Variants in UBP1 observed in about 807,000 individuals in gnomAD.
The protein encoded by UBP1 is upstream-binding protein 1.
Under a neutral mutation model 76.1 loss-of-function variants are expected in UBP1, and 22 were observed. That is an observed-to-expected ratio of 0.29 (90% CI 0.21 to 0.41). The LOEUF is 0.41. Among genes scored for constraint, UBP1 ranks in the 10% least tolerant of loss-of-function variants. The pLI, the probability that UBP1 is intolerant of heterozygous loss-of-function variation, is 1.00. For synonymous variants in UBP1, 224 were observed against 237.1 expected, an observed-to-expected ratio of 0.94 and a Z score of 0.51; for missense variants, 436 against 668.1, an observed-to-expected ratio of 0.65 and a Z score of 3.83.
At position 33,392,434 on chromosome 3, in the gene UBP1, T is replaced by G. The variant is rs2043805357; in HGVS notation, c.1585+129A>C. 31 of 775,248 alleles carry G rather than the reference T, an allele frequency of 4.0e-5. No individual in the cohort carries two copies. The Middle Eastern group carries it at 9.5e-4, about 24-fold the overall frequency. The allele number at this position is 775,248 out of a possible 1,614,324, so 48.0% of individuals were successfully genotyped here. A position where few individuals can be genotyped will look rare whatever the true frequency, so the allele number is the denominator to read the frequency against. ...GTTACAACCACTAGAAATATTCTCA[T>G]TTATCAAACTTTCTTCTTAAAATGA... On this transcript the variant is annotated intron_variant, in intron 15 of 15. Transcript: ENST00000283629.
intron 9 of UBP1, 49 bp downstream of exon 9, chr3:33,402,752 C>T (rs2044276675): frequency 2.3e-6 from 3 of 1,325,986 alleles, no homozygotes; most frequent in Non-Finnish European, 3.0e-6. Flanking sequence ...GAAATGAAGG[C>T]ACATGAGCAT....
In UBP1 at chr3:33,411,762, G is replaced by A. The variant is rs2044589176; in HGVS notation, c.449-75C>T. The stretch of plus-strand genomic sequence containing the variant: ...AAAAACTTACAACTTACTATATTAT[G>A]TTCTAATGAAATAACTGTAACTGCT... On this transcript the variant is annotated intron_variant, in intron 4 of 15. Transcript: ENST00000283629. 3 of 1,184,612 alleles carry A rather than the reference G, an allele frequency of 2.5e-6. No homozygotes were observed. The Admixed American group carries it at 5.4e-5, about 21-fold the overall frequency. 73.4% of individuals were successfully genotyped at this position (1,184,612 alleles called of 1,614,324 possible). A position where few individuals can be genotyped will look rare whatever the true frequency, so the allele number is the denominator to read the frequency against.
At chr3:33,400,341 A>C in intron 10 of UBP1, 59 bp from the exon 11 acceptor site, 1 of 1,374,854 alleles carries the variant, frequency 7.3e-7, no homozygotes, top group Non-Finnish European at 9.9e-7. Context: ...GAACATTTAA[A>C]CAAAACACAG....
chr3:33,401,304 A>C (rs1265023113), intron 9 of UBP1, among the ~76,000 whole-genome samples: 1 of 152,248 alleles, frequency 6.6e-6, no homozygotes, highest in Non-Finnish European at 1.5e-5. Context: ...ATCTTCAGGG[A>C]TGCCAAGGAA....
At chr3:33,419,656 G>T (rs1487648459) in intron 2 of UBP1, among the ~76,000 whole-genome samples, 3 of 147,662 alleles carry the variant, frequency 2.0e-5, no homozygotes, top group Non-Finnish European at 3.0e-5. Context: ...CAGAAGAAAA[G>T]AAAAGACTCT....
chr3:33,390,435 A>T (rs982820615), intron 15 of UBP1, 67 bp from the exon 16 acceptor site: 3 of 1,557,480 alleles, frequency 1.9e-6, no homozygotes, highest in Non-Finnish European at 1.8e-6. Flanking sequence ...TAAATGGAAA[A>T]CTCCCTGCCA....
Position 33,400,207 on chromosome 3 carries a change from G to C in UBP1, c.1162C>G (p.Leu388Val). The C allele has an allele frequency of 6.3e-7, 1 of 1,598,848 alleles. No individual in the cohort carries two copies. The highest frequency in any genetic ancestry group is 8.5e-7 in the Non-Finnish European group (1 of 1,175,132). Residue 388 changes from leucine (L) to valine (V), a missense_variant, in exon 11 of 16, where the codon CTG (leucine) becomes GTG (valine). This residue lies in a region of UBP1 where 210 missense variants were observed against 272.8 expected (regional missense o/e 0.77). Transcript: ENST00000283629. ...CACATACCTGAAAAATTAGAGAACAGTCTTGTGTAGGAAGAGAATCTGTTT... is the reference window on the plus strand; with the variant it reads ...CACATACCTGAAAAATTAGAGAACACTCTTGTGTAGGAAGAGAATCTGTTT... The part of the protein sequence containing the change: ...LKNRFSSYTR[L>V]FSNFSGADLL...
At chr3:33,424,792 T>C (rs2044983924) in intron 2 of UBP1, among the ~76,000 whole-genome samples, 1 of 152,300 alleles carries the variant, frequency 6.6e-6, no homozygotes, top group Non-Finnish European at 1.5e-5. Context: ...ACGCCTGTAA[T>C]CCCAGCACTT....
At chr3:33,421,202 C>T (rs1257649288) in intron 2 of UBP1, among the ~76,000 whole-genome samples, 1 of 151,800 alleles carries the variant, frequency 6.6e-6, no homozygotes, top group South Asian at 2.1e-4. Flanking sequence ...CATTTTGGGA[C>T]TACAGTTTTT....
intron 2 of UBP1, 135 bp downstream of exon 2, chr3:33,425,455 T>G: frequency 1.0e-6 from 1 of 995,008 alleles, no homozygotes; most frequent in Non-Finnish European, 1.4e-6. Flanking sequence ...ATTCCTACAA[T>G]TTTCATTAAG....
chr3:33,428,992 A>G (rs529175409), intron 1 of UBP1, among the ~76,000 whole-genome samples: 6 of 151,424 alleles, frequency 4.0e-5, no homozygotes, highest in Admixed American at 2.6e-4. Context: ...TCCCACCCAC[A>G]CTCCCAATTT....
intron 1 of UBP1, among the ~76,000 whole-genome samples, chr3:33,427,149 G>C (rs1466344906): frequency 2.0e-5 from 3 of 152,160 alleles, no homozygotes; most frequent in African/African-American, 7.2e-5. Flanking sequence ...ATTTTTAGTA[G>C]AGACAGGGTT....
At chr3:33,403,984 G>GC (rs1158525067) in intron 8 of UBP1, among the ~76,000 whole-genome samples, 3 of 152,216 alleles carry the variant, frequency 2.0e-5, no homozygotes, top group African/African-American at 7.2e-5. Context: ...GGTGACTCAT[G>GC]CCCCTAATCT....
intron 2 of UBP1, among the ~76,000 whole-genome samples, chr3:33,420,400 A>C (rs1476858784): frequency 6.6e-6 from 1 of 151,830 alleles, no homozygotes; most frequent in Non-Finnish European, 1.5e-5. Context: ...ATCTGGGCTC[A>C]CTGCAACCTC....
chr3:33,399,794 G>T (rs1227774229), intron 11 of UBP1, among the ~76,000 whole-genome samples: 1 of 152,102 alleles, frequency 6.6e-6, no homozygotes, highest in African/African-American at 2.4e-5. Context: ...TCCTGGTTTT[G>T]CTATTGTACT....
chr3:33,408,329 A>T (rs991554905), intron 8 of UBP1, among the ~76,000 whole-genome samples: 1 of 152,142 alleles, frequency 6.6e-6, no homozygotes, highest in Non-Finnish European at 1.5e-5. Context: ...CTAATTTACT[A>T]AAGAAAGTAT....
At chr3:33,410,643 A>T (rs1237005040) in intron 5 of UBP1, among the ~76,000 whole-genome samples, 1 of 152,206 alleles carries the variant, frequency 6.6e-6, no homozygotes, top group Non-Finnish European at 1.5e-5. Flanking sequence ...ACCACATACA[A>T]ATTTGAACAT....
intron 13 of UBP1, 56 bp downstream of exon 13, chr3:33,396,106 C>A: frequency 6.9e-7 from 1 of 1,444,728 alleles, no homozygotes; most frequent in Non-Finnish European, 9.5e-7. Flanking sequence ...CGAGTCCTTT[C>A]CGTTTCTGTC....
chr3:33,396,915 A>G, intron 12 of UBP1, 130 bp downstream of exon 12: 1 of 830,828 alleles, frequency 1.2e-6, no homozygotes, highest in Non-Finnish European at 2.0e-6. Context: ...TTGTGAGCAC[A>G]ATGCTGCCAA....
Sources: allele counts gnomAD v4.1 joint callset (sites outside exome capture counted in the v4.1 genomes callset), GRCh38; gene constraint gnomAD v4.1.1; regional missense constraint gnomAD v4.1.1; transcripts MANE v1.5; gene names NCBI Gene and HGNC (gene_info 2026-07-23, HGNC 2026-07-21).